Variants in POLR3G observed in about 807,000 individuals in gnomAD.
POLR3G encodes the protein DNA-directed RNA polymerase III subunit RPC7.
Under a neutral mutation model 30.1 loss-of-function variants are expected in POLR3G, and 28 were observed. That is an observed-to-expected ratio of 0.93 (90% CI 0.69 to 1.27). POLR3G has a LOEUF of 1.27. POLR3G is among the 50% of genes most tolerant of loss of function. POLR3G has a pLI of 0.00. For synonymous variants in POLR3G, 79 were observed against 82.5 expected, an observed-to-expected ratio of 0.96 and a Z score of 0.23; for missense variants, 254 against 264.6, an observed-to-expected ratio of 0.96 and a Z score of 0.28.
At chr5:90,480,981 A>C (rs1168446734) in intron 1 of POLR3G, among the ~76,000 whole-genome samples, 2 of 152,216 alleles carry the variant, frequency 1.3e-5, no homozygotes, top group Non-Finnish European at 2.9e-5. Context: ...GAGATGTAAT[A>C]AGCTGGGCTA....
chr5:90,489,420 C>T (rs1345566817), intron 3 of POLR3G, among the ~76,000 whole-genome samples: 1 of 151,888 alleles, frequency 6.6e-6, no homozygotes, highest in East Asian at 1.9e-4. Flanking sequence ...CGCACAGCAC[C>T]ATGCCCGGCT....
At chr5:90,480,521 G>T (rs1014065441) in intron 1 of POLR3G, among the ~76,000 whole-genome samples, 1 of 152,190 alleles carries the variant, frequency 6.6e-6, no homozygotes, top group Non-Finnish European at 1.5e-5. Context: ...TGGAAATTTA[G>T]AGTCAATAGA....
At chr5:90,507,876 A>C (rs1752564616) in intron 7 of POLR3G, among the ~76,000 whole-genome samples, 1 of 151,736 alleles carries the variant, frequency 6.6e-6, no homozygotes, top group Non-Finnish European at 1.5e-5. Context: ...ACTTCTGATC[A>C]TCTCTTTCCC....
At chr5:90,480,757 A>G (rs1055970699) in intron 1 of POLR3G, among the ~76,000 whole-genome samples, 21 of 152,246 alleles carry the variant, frequency 1.4e-4, no homozygotes, top group Admixed American at 2.6e-4. Context: ...TTAATCTTTA[A>G]GTAGTGGCAA....
intron 6 of POLR3G, among the ~76,000 whole-genome samples, chr5:90,503,436 G>A (rs1362770433): frequency 1.3e-5 from 2 of 152,216 alleles, no homozygotes; most frequent in East Asian, 3.8e-4. Context: ...TGGGAATGCA[G>A]TTCTAGCCAG....
intron 2 of POLR3G, among the ~76,000 whole-genome samples, chr5:90,486,608 CTT>C (rs1266250970): frequency 6.6e-6 from 1 of 152,200 alleles, no homozygotes; most frequent in East Asian, 1.9e-4. Context: ...CATCTCTTCT[CTT>C]TGCATGGATG....
chr5:90,485,716 G>A (rs563124338), intron 2 of POLR3G, 32 bp downstream of exon 2: 1 of 1,484,434 alleles, frequency 6.7e-7, no homozygotes, highest in African/African-American at 1.4e-5. Context: ...TTCTCATAGT[G>A]TGTTTTTTCA....
At chr5:90,475,848 G>A (rs556699988) in intron 1 of POLR3G, among the ~76,000 whole-genome samples, 18 of 152,212 alleles carry the variant, frequency 1.2e-4, no homozygotes, top group Admixed American at 6.5e-4. Flanking sequence ...AGGAGCTGAG[G>A]TTACAGGCGC....
chr5:90,506,409 G>A, intron 6 of POLR3G, 119 bp from the exon 7 acceptor site: 1 of 1,360,108 alleles, frequency 7.4e-7, no homozygotes, highest in Non-Finnish European at 9.8e-7. Flanking sequence ...GTGGTAGCCA[G>A]GAGGTGGTGG....
chr5:90,474,439 G>C, upstream of POLR3G: 2 of 720,310 alleles, frequency 2.8e-6, no homozygotes, highest in Non-Finnish European at 4.7e-6. Context: ...TGGGATGCGG[G>C]GGTCGGAATA....
At chr5:90,502,340 T>C in intron 6 of POLR3G, 4 of 933,688 alleles carry the variant, frequency 4.3e-6, no homozygotes, top group Non-Finnish European at 5.1e-6. Context: ...AAACCTCTCA[T>C]TTTTCCTCCT....
intron 7 of POLR3G, among the ~76,000 whole-genome samples, chr5:90,511,208 A>T (rs945457446): frequency 2.6e-5 from 4 of 152,164 alleles, no homozygotes; most frequent in African/African-American, 9.7e-5. Flanking sequence ...ATATGTCAGT[A>T]TGGATTCAAA....
chr5:90,477,389 T>C (rs1261434606), intron 1 of POLR3G, among the ~76,000 whole-genome samples: 2 of 151,702 alleles, frequency 1.3e-5, no homozygotes, highest in Non-Finnish European at 2.9e-5. Context: ...GACTGCAGAG[T>C]GGATTGAAAG....
intron 5 of POLR3G, among the ~76,000 whole-genome samples, chr5:90,499,772 A>G (rs1296288182): frequency 6.6e-6 from 1 of 152,224 alleles, no homozygotes; most frequent in Admixed American, 6.5e-5. Flanking sequence ...CATTTTTTGC[A>G]CATGTGTATT....
At chr5:90,501,851 T>C (rs983497912) in intron 5 of POLR3G, 55 bp from the exon 6 acceptor site, 1 of 1,595,428 alleles carries the variant, frequency 6.3e-7, no homozygotes, top group Non-Finnish European at 8.5e-7. Context: ...GACAAGGAAA[T>C]ATAATACAGA....
chr5:90,491,575 T>C (rs1751727618), intron 3 of POLR3G, among the ~76,000 whole-genome samples: 1 of 152,076 alleles, frequency 6.6e-6, no homozygotes, highest in Admixed American at 6.6e-5. Flanking sequence ...ATGATTAATA[T>C]TGATAACTTT....
In POLR3G at chr5:90,493,676, A is replaced by ATTTTTTTTT. The variant is rs70999488; in HGVS notation, c.248-1961_248-1953dup. ...GTTGTGCAATCAACACCACTATTTA[A>ATTTTTTTTT]TTTTTTTTTTTTTTTTTTTTTTTTT... On this transcript the variant is annotated intron_variant, in intron 3 of 7. Coordinates refer to ENST00000651687, the MANE Select transcript of POLR3G (RefSeq NM_006467.3). Among the ~76,000 whole-genome samples, 8 of 51,466 alleles carry ATTTTTTTTT rather than the reference A, an allele frequency of 1.6e-4. 1 individual carries two copies. Among genetic ancestry groups the ATTTTTTTTT allele is most frequent in the Admixed American group, 2.9e-4 (1 of 3,458 alleles). 33.8% of individuals were successfully genotyped at this position (51,466 alleles called of 152,430 possible). A position where few individuals can be genotyped will look rare whatever the true frequency, so the allele number is the denominator to read the frequency against.
intron 1 of POLR3G, among the ~76,000 whole-genome samples, chr5:90,482,483 A>G (rs1454223667): frequency 2.0e-5 from 3 of 152,244 alleles, no homozygotes; most frequent in Middle Eastern, 3.2e-3. Context: ...AACAAAGACG[A>G]TAACAGACTT....
At chr5:90,507,887 C>T (rs910535000) in intron 7 of POLR3G, among the ~76,000 whole-genome samples, 1 of 152,078 alleles carries the variant, frequency 6.6e-6, no homozygotes, top group Non-Finnish European at 1.5e-5. Flanking sequence ...TCTCTTTCCC[C>T]TTTATTGGTT....
Sources: allele counts gnomAD v4.1 joint callset (sites outside exome capture counted in the v4.1 genomes callset), GRCh38; gene constraint gnomAD v4.1.1; transcripts MANE v1.5; gene names NCBI Gene and HGNC (gene_info 2026-07-23, HGNC 2026-07-21).